The following CCDC33 variants were observed in gnomAD, a reference collection of about 807,000 sequenced individuals.
CCDC33 encodes the protein coiled-coil domain containing 33.
CCDC33 carries 94 observed loss-of-function variants against 91.9 expected under a neutral mutation model. That is an observed-to-expected ratio of 1.02 (90% CI 0.87 to 1.21). CCDC33 has a LOEUF of 1.21. Among genes scored for constraint, CCDC33 ranks in the 50% most tolerant of loss-of-function variants. CCDC33 has a pLI of 0.00. For synonymous variants in CCDC33, 396 were observed against 374.5 expected, an observed-to-expected ratio of 1.06 and a Z score of -0.66; for missense variants, 940 against 935.5, an observed-to-expected ratio of 1.00 and a Z score of -0.06.
intron 7 of CCDC33, 56 bp downstream of exon 7, chr15:74,272,947 T>C (rs2076360133): frequency 6.2e-7 from 1 of 1,603,380 alleles, no homozygotes; most frequent in Non-Finnish European, 8.5e-7. Flanking sequence ...ACATTCACTG[T>C]TCACTCACTC....
rs573744890 is a variant in CCDC33, at chr15:74,316,277, C to G, written c.1291-13912C>G. On this transcript the variant is annotated intron_variant, in intron 11 of 18. Coordinates refer to ENST00000398814, the MANE Select transcript of CCDC33 (RefSeq NM_025055.5). The surrounding 1 kb of genome is among the most constrained non-coding windows in gnomAD (Gnocchi z 4.7). ...TGTCCGGTGATGGGTCCCTGAGGGT[C>G]CGCTGGGGCGCCCCTCCAGCCTCCC... Among the ~76,000 whole-genome samples the G allele has an allele frequency of 1.3e-5, 2 of 152,312 alleles. No individual in the cohort carries two copies. The highest frequency in any genetic ancestry group is 4.8e-5 in the African/African-American group (2 of 41,574).
At chr15:74,314,031 C>T (rs2060043793) in intron 11 of CCDC33, among the ~76,000 whole-genome samples, 1 of 152,218 alleles carries the variant, frequency 6.6e-6, no homozygotes, top group African/African-American at 2.4e-5. Context: ...ACCTGTGCTC[C>T]TGCTGTTCCC....
chr15:74,297,006 A>C (rs1384187537), intron 11 of CCDC33, among the ~76,000 whole-genome samples: 3 of 152,232 alleles, frequency 2.0e-5, no homozygotes, highest in African/African-American at 7.2e-5. Context: ...TCCTCCTCCC[A>C]GGACCTGACC....
intron 11 of CCDC33, among the ~76,000 whole-genome samples, chr15:74,310,938 C>T (rs545073390): frequency 6.6e-6 from 1 of 152,318 alleles, no homozygotes; most frequent in South Asian, 2.1e-4. Flanking sequence ...GGCTGAAGCA[C>T]TTTGTGAAGC....
Position 74,330,794 on chromosome 15 carries a change from G to A in CCDC33, c.1545+43G>A, listed in dbSNP as rs369908109. 1.1e-4 allele frequency: 176 copies of A among 1,562,834 alleles called. 1 individual carries two copies. In the South Asian group the frequency reaches 1.2e-3, roughly 10 times the overall value. ...GGGGCAGAGGGGAGGGAGCTATGGTGGGGGAGCATCGGGGTGAGAAGAGTC... is the reference window on the plus strand; with the variant it reads ...GGGGCAGAGGGGAGGGAGCTATGGTAGGGGAGCATCGGGGTGAGAAGAGTC... On this transcript the variant is annotated intron_variant, in intron 13 of 18. Transcript: ENST00000398814.
At chr15:74,246,931 G>C (rs760805922) in intron 2 of CCDC33, among the ~76,000 whole-genome samples, 1 of 151,738 alleles carries the variant, frequency 6.6e-6, no homozygotes, top group African/African-American at 2.4e-5. Context: ...CGGATCACAG[G>C]GTCAGGAGTT....
At chr15:74,230,534 G>T (rs1162468285) in intron 2 of CCDC33, among the ~76,000 whole-genome samples, 2 of 152,212 alleles carry the variant, frequency 1.3e-5, no homozygotes, top group African/African-American at 4.8e-5. Flanking sequence ...CCAAATGAGA[G>T]CTGTGGTTGC....
intron 10 of CCDC33, among the ~76,000 whole-genome samples, chr15:74,293,014 G>A (rs2059613574): frequency 6.6e-6 from 1 of 152,152 alleles, no homozygotes; most frequent in African/African-American, 2.4e-5. Flanking sequence ...CAAGTACCTG[G>A]TGAGTGCCCA....
rs1566994523 is a variant in CCDC33 at position 74,280,106 on chromosome 15, G to A, written c.889+14G>A. 1 of 1,613,700 alleles carries A rather than the reference G, an allele frequency of 6.2e-7. No individual in the cohort carries two copies. The highest frequency in any genetic ancestry group is 1.7e-5 in the Admixed American group (1 of 59,996). On this transcript the variant is annotated intron_variant, in intron 8 of 18. Transcript: ENST00000398814. Reference sequence around the variant, plus strand: ...CCTCAACTTCAAGTACGTGACCCCTGGTGCCTCGCCAGGGCAGCCATGCCT... The same window carrying A: ...CCTCAACTTCAAGTACGTGACCCCTAGTGCCTCGCCAGGGCAGCCATGCCT...
chr15:74,242,845 C>A (rs1334371764), intron 1 of CCDC33, among the ~76,000 whole-genome samples: 4 of 152,156 alleles, frequency 2.6e-5, no homozygotes, highest in African/African-American at 9.7e-5. Context: ...ACTGCCTCCC[C>A]AGTCAAACTG....
chr15:74,310,863 C>T (rs930110926), intron 11 of CCDC33, among the ~76,000 whole-genome samples: 16 of 152,190 alleles, frequency 1.1e-4, no homozygotes, highest in Admixed American at 9.2e-4. Context: ...TCTGAAAGGA[C>T]CAACTGCCTT....
At chr15:74,250,496 C>T (rs2075674438) in intron 2 of CCDC33, among the ~76,000 whole-genome samples, 1 of 152,218 alleles carries the variant, frequency 6.6e-6, no homozygotes, top group Non-Finnish European at 1.5e-5. Flanking sequence ...ATTCTCCCTT[C>T]CCCTTTTCCC....
intron 8 of CCDC33, among the ~76,000 whole-genome samples, chr15:74,280,370 G>A (rs2059336000): frequency 6.6e-6 from 1 of 152,220 alleles, no homozygotes; most frequent in Non-Finnish European, 1.5e-5. Flanking sequence ...TCACAGAGAG[G>A]GGTGAGGGAG....
At chr15:74,306,718 G>A (rs944762795) in intron 11 of CCDC33, among the ~76,000 whole-genome samples, 5 of 152,212 alleles carry the variant, frequency 3.3e-5, no homozygotes, top group Non-Finnish European at 5.9e-5. Context: ...GAATGGATGG[G>A]ATAGGTGGAC....
chr15:74,208,165 G>A (rs1439231749), intron 1 of CCDC33: 1 of 645,980 alleles, frequency 1.5e-6, no homozygotes, highest in Non-Finnish European at 2.0e-6. Flanking sequence ...AGAGGGCTAG[G>A]CTAGTACTGA....
upstream of CCDC33, among the ~76,000 whole-genome samples, chr15:74,231,979 A>G (rs1178311680): frequency 2.0e-5 from 3 of 152,284 alleles, no homozygotes; most frequent in East Asian, 3.9e-4. Flanking sequence ...ATGCCACTGC[A>G]CTCCAGCCTG....
At chr15:74,332,611 G>A in intron 15 of CCDC33, 68 bp from the exon 16 acceptor site, 1 of 1,545,252 alleles carries the variant, frequency 6.5e-7, no homozygotes, top group South Asian at 1.2e-5. Flanking sequence ...AAATGCTGGA[G>A]CAGATCAGGA....
intron 5 of CCDC33, among the ~76,000 whole-genome samples, chr15:74,268,759 C>T (rs1420705783): frequency 6.6e-6 from 1 of 152,236 alleles, no homozygotes; most frequent in Non-Finnish European, 1.5e-5. Flanking sequence ...CTCTGTGCTG[C>T]AGTGGGGACC....
At chr15:74,267,486 C>G (rs1424646446) in intron 4 of CCDC33, among the ~76,000 whole-genome samples, 3 of 152,214 alleles carry the variant, frequency 2.0e-5, no homozygotes, top group Non-Finnish European at 4.4e-5. Flanking sequence ...CCCTGCCTGT[C>G]CTCCCTCCTA....
Sources: allele counts gnomAD v4.1 joint callset (sites outside exome capture counted in the v4.1 genomes callset), GRCh38; gene constraint gnomAD v4.1.1; non-coding constraint Gnocchi (gnomAD v3.1); transcripts MANE v1.5; gene names NCBI Gene and HGNC (gene_info 2026-07-23, HGNC 2026-07-21).